Variants in DPP6 observed in about 807,000 individuals in gnomAD.
DPP6 encodes A-type potassium channel modulatory protein DPP6.
DPP6 carries 69 observed loss-of-function variants against 122.6 expected under a neutral mutation model. The ratio of observed to expected loss-of-function variants is 0.56; its 90% CI spans 0.46 to 0.69. The LOEUF is 0.69. Among genes scored for constraint, DPP6 ranks in the 30% least tolerant of loss-of-function variants. The pLI is 0.00. For missense variants in DPP6, 928 were observed against 1,116.9 expected (o/e 0.83, Z 2.41); for synonymous variants, 418 against 433.1 (o/e 0.97, Z 0.43).
the DPP6 span, among the ~76,000 whole-genome samples, chr7:153,870,014 A>G: frequency 6.6e-6 from 1 of 152,226 alleles, no homozygotes; most frequent in Non-Finnish European, 1.5e-5. Flanking sequence ...TTCTGCTGAG[A>G]GATCAACTGT....
intron 8 of DPP6, among the ~76,000 whole-genome samples, chr7:154,736,208 G>C (rs1842562873): frequency 6.6e-6 from 1 of 152,226 alleles, no homozygotes; most frequent in Non-Finnish European, 1.5e-5. Flanking sequence ...ATCACAGAAG[G>C]AGGTAGTGTT....
At chr7:154,622,371 C>T (rs577396914) in intron 5 of DPP6, among the ~76,000 whole-genome samples, 1 of 152,174 alleles carries the variant, frequency 6.6e-6, no homozygotes, top group Non-Finnish European at 1.5e-5. Context: ...GGTGGAGGCC[C>T]AATTGACCCT....
At chr7:154,059,957 G>C (rs1445147325) in intron 1 of DPP6, among the ~76,000 whole-genome samples, 11 of 152,204 alleles carry the variant, frequency 7.2e-5, no homozygotes, top group African/African-American at 2.6e-4. Flanking sequence ...CCCCCATTTT[G>C]TGATGGCTGA....
At chr7:153,916,393 CCTCTCCTCCCCTCCT>C (rs1201358742) in intron 1 of DPP6, among the ~76,000 whole-genome samples, 41 of 136,988 alleles carry the variant, frequency 3.0e-4, no homozygotes, top group East Asian at 4.5e-4. Context: ...CCTCCCCTCC[CCTCTCCTCCCCTCCT>C]CTCTCCTCCC....
chr7:154,006,773 G>A (rs951142351), intron 1 of DPP6, among the ~76,000 whole-genome samples: 1 of 152,228 alleles, frequency 6.6e-6, no homozygotes, highest in Non-Finnish European at 1.5e-5. Flanking sequence ...TCTGCACGCA[G>A]GAAGCCCTCG....
rs59460372 is a variant in DPP6, at chr7:154,216,833, GTTT to G, written c.243+163785_243+163787del. On this transcript the variant is annotated intron_variant, in intron 1 of 25. Transcript: ENST00000377770. The stretch of plus-strand genomic sequence containing the variant: ...AGGTCATGTTTTTTGTGTTACTGTT[GTTT>G]TTTTTTTTTTTTTTCAAATTATAAA... Among the ~76,000 whole-genome samples the G allele has an allele frequency of 1.9e-3, 233 of 125,648 alleles. 1 individual carries two copies. Among genetic ancestry groups the G allele is most frequent in the East Asian group, 5.2e-3 (22 of 4,254 alleles). 82.4% of individuals were successfully genotyped at this position (125,648 alleles called of 152,430 possible).
chr7:154,540,650 G>T, intron 4 of DPP6, 24 bp downstream of exon 4: 1 of 1,390,772 alleles, frequency 7.2e-7, no homozygotes, highest in Non-Finnish European at 9.8e-7. Flanking sequence ...TTAATGACCG[G>T]GATAATTTCA....
intron 1 of DPP6, among the ~76,000 whole-genome samples, chr7:154,254,032 TTGA>T (rs1802510320): frequency 6.6e-6 from 1 of 152,338 alleles, no homozygotes; most frequent in Admixed American, 6.5e-5. Flanking sequence ...GAAGTCTGTC[TTGA>T]TGATTCAGTC....
chr7:153,933,484 C>T (rs1057069455), intron 1 of DPP6, among the ~76,000 whole-genome samples: 11 of 152,140 alleles, frequency 7.2e-5, no homozygotes, highest in African/African-American at 2.4e-4. Context: ...ATCAACAGCA[C>T]GAACACTTCT....
intron 1 of DPP6, among the ~76,000 whole-genome samples, chr7:153,889,304 G>T (rs1239245947): frequency 1.3e-5 from 2 of 152,108 alleles, no homozygotes; most frequent in African/African-American, 4.8e-5. Context: ...GTGTTGTTCA[G>T]CATAATTTCT....
At chr7:154,077,973 G>T (rs1047958361) in intron 1 of DPP6, among the ~76,000 whole-genome samples, 1 of 152,070 alleles carries the variant, frequency 6.6e-6, no homozygotes, top group African/African-American at 2.4e-5. Flanking sequence ...CCGGCCAATA[G>T]ATTATAGATA....
intron 1 of DPP6, among the ~76,000 whole-genome samples, chr7:154,078,781 G>A (rs1803758331): frequency 6.6e-6 from 1 of 152,082 alleles, no homozygotes; most frequent in African/African-American, 2.4e-5. Flanking sequence ...ATCAAGGAAA[G>A]CCACCTGGTT....
intron 1 of DPP6, among the ~76,000 whole-genome samples, chr7:153,904,730 G>C (rs1799779012): frequency 6.6e-6 from 1 of 152,216 alleles, no homozygotes; most frequent in Non-Finnish European, 1.5e-5. Context: ...GAAATAGACA[G>C]TGATTACACA....
rs1563460487 is a variant in DPP6 at position 154,313,715 on chromosome 7, A to ATATATACG, written c.244-132499_244-132498insTATATACG. Reference sequence around the variant, plus strand: ...TATATATATATATATATATATATATACACACACACGCACGCACACACACAC... The same window carrying ATATATACG: ...TATATATATATATATATATATATATATATATACGCACACACACGCACGCACACACACAC... On this transcript the variant is annotated intron_variant, in intron 1 of 25. Coordinates refer to ENST00000377770, the MANE Select transcript of DPP6 (RefSeq NM_130797.4). Among the ~76,000 whole-genome samples, 18 of 35,808 alleles carry ATATATACG rather than the reference A, an allele frequency of 5.0e-4. 1 individual carries two copies. In the South Asian group the frequency reaches 5.1e-3, roughly 10 times the overall value. 23.5% of individuals were successfully genotyped at this position (35,808 alleles called of 152,430 possible).
At chr7:154,479,959 C>T (rs1366253268) in intron 3 of DPP6, among the ~76,000 whole-genome samples, 1 of 152,086 alleles carries the variant, frequency 6.6e-6, no homozygotes, top group Non-Finnish European at 1.5e-5. Flanking sequence ...GGAACACTCC[C>T]ACTGTCCTGT....
intron 1 of DPP6, among the ~76,000 whole-genome samples, chr7:154,439,341 T>C (rs889472936): frequency 2.0e-5 from 3 of 152,236 alleles, no homozygotes; most frequent in African/African-American, 7.2e-5. Context: ...TTTTAAATTC[T>C]GCAGCTTACT....
chr7:154,807,821 C>T (rs567451672), intron 16 of DPP6, among the ~76,000 whole-genome samples: 2 of 152,174 alleles, frequency 1.3e-5, no homozygotes, highest in East Asian at 3.9e-4. Context: ...GACTCCATCT[C>T]AAATGACTAG....
At chr7:154,492,190 C>A (rs1033854663) in intron 3 of DPP6, among the ~76,000 whole-genome samples, 1 of 152,150 alleles carries the variant, frequency 6.6e-6, no homozygotes, top group Non-Finnish European at 1.5e-5. Flanking sequence ...TAAAAGCCAT[C>A]GCTTTATTTT....
chr7:154,215,303 C>G (rs1799940357), intron 1 of DPP6, among the ~76,000 whole-genome samples: 1 of 152,060 alleles, frequency 6.6e-6, no homozygotes, highest in Admixed American at 6.5e-5. Flanking sequence ...TGGGAAACCT[C>G]CCCCGTAATA....
Sources: allele counts gnomAD v4.1 joint callset (sites outside exome capture counted in the v4.1 genomes callset), GRCh38; gene constraint gnomAD v4.1.1; transcripts MANE v1.5; gene names NCBI Gene and HGNC (gene_info 2026-07-23, HGNC 2026-07-21).